PRPF6: variants seen among roughly 807,000 people sequenced by gnomAD.
PRPF6 encodes the protein pre-mRNA-processing factor 6.
In PRPF6, 42 loss-of-function variants were observed where a neutral mutation model predicts 118.3. That is an observed-to-expected ratio of 0.35 (90% CI 0.28 to 0.46). The LOEUF is 0.46. Among genes scored for constraint, PRPF6 ranks in the 20% least tolerant of loss-of-function variants. The pLI is 1.00. For synonymous variants in PRPF6, 481 were observed against 485.1 expected (o/e 0.99, Z 0.11); for missense variants, 662 against 1,255.7 (o/e 0.53, Z 7.15).
rs1364851051 is a variant in PRPF6 at position 63,994,980 on chromosome 20, A to T, written c.503A>T (p.Asn168Ile). The change falls in exon 5 of 21, where the codon AAT becomes ATT. Residue 168 changes from asparagine to isoleucine, a missense_variant. Physicochemically the swap from Asn to Ile is moderately radical, Grantham distance 149. Around this residue, in one of 10 missense-constraint regions of PRPF6, gnomAD observed 97 missense variants for 122.6 expected, o/e 0.79. Transcript: ENST00000266079. ...LSIPEVGDAR[N>I]KRQRNPRYEK... The stretch of plus-strand genomic sequence containing the variant: ...ATCCCCGAGGTTGGCGATGCCAGAA[A>T]TAAACGTCAGCGGAACCCACGCTAT... The T allele has an allele frequency of 6.2e-7, 1 of 1,614,236 alleles. No homozygotes were observed. Among genetic ancestry groups the T allele is most frequent in the South Asian group, 1.1e-5 (1 of 91,084 alleles).
rs149166302 is a variant in PRPF6, at chr20:64,004,199, C to T, written c.1186+2960C>T. 6.4e-3 allele frequency among the ~76,000 whole-genome samples: 977 copies of T among 152,214 alleles called. 5 individuals carry two copies. Among genetic ancestry groups the T allele is most frequent in the Middle Eastern group, 0.014 (4 of 294 alleles). ...GTATGCTGTTGGAGGCGGGGGCCTT[C>T]GGGGAGTGTTGAGGGACTGTGTTTC... On this transcript the variant is annotated intron_variant, in intron 9 of 20. Coordinates refer to ENST00000266079, the MANE Select transcript of PRPF6 (RefSeq NM_012469.4).
intron 19 of PRPF6, among the ~76,000 whole-genome samples, 167 bp from the exon 20 acceptor site, chr20:64,031,751 G>A (rs961819683): frequency 1.3e-5 from 2 of 152,110 alleles, no homozygotes; most frequent in Admixed American, 1.3e-4. Flanking sequence ...TAATGATCTG[G>A]GGTAATTATT....
At position 64,000,997 on chromosome 20, in the gene PRPF6, C is replaced by T. The variant is rs191148301; in HGVS notation, c.1024-80C>T. On this transcript the variant is annotated intron_variant, in intron 8 of 20. Transcript: ENST00000266079. ...GTAAATTCTGGGGCCCGAGGATCTG[C>T]TCTGGAGATCTGTGCCTGCTGCCCT... The T allele has an allele frequency of 3.0e-4, 452 of 1,501,402 alleles. No individual in the cohort carries two copies. The African/African-American group carries it at 5.3e-3, about 18-fold the overall frequency. 93.0% of individuals were successfully genotyped at this position (1,501,402 alleles called of 1,614,324 possible).
chr20:63,984,441 T>A (rs572445350), intron 2 of PRPF6, among the ~76,000 whole-genome samples: 2 of 151,766 alleles, frequency 1.3e-5, no homozygotes, highest in Non-Finnish European at 2.9e-5. Flanking sequence ...AAAAAATTAG[T>A]TTTGAAATAA....
chr20:64,016,055 C>T (rs2059236044), intron 11 of PRPF6, among the ~76,000 whole-genome samples: 2 of 151,878 alleles, frequency 1.3e-5, no homozygotes, highest in Admixed American at 6.6e-5. Context: ...GAGTTGGAAG[C>T]TGCAGTGAAC....
intron 9 of PRPF6, among the ~76,000 whole-genome samples, chr20:64,005,612 C>G (rs1198835823): frequency 6.6e-6 from 1 of 152,144 alleles, no homozygotes; most frequent in Non-Finnish European, 1.5e-5. Flanking sequence ...GAGCCTCGTC[C>G]TATTGCCCAG....
rs75456879 is a variant in PRPF6, at chr20:64,001,743, C to T, written c.1186+504C>T. 2.8e-3 allele frequency among the ~76,000 whole-genome samples: 429 copies of T among 152,354 alleles called. 3 individuals are homozygous for T. Among genetic ancestry groups the T allele is most frequent in the African/African-American group, 0.01 (416 of 41,590 alleles). The stretch of plus-strand genomic sequence containing the variant: ...TCTGCTCCCGCGATGCAGCGTGTGC[C>T]GTCAGCTCAGGTCAGATAACGACAG... On this transcript the variant is annotated intron_variant, in intron 9 of 20. Transcript: ENST00000266079.
chr20:64,014,646 G>A (rs570208645), intron 11 of PRPF6, among the ~76,000 whole-genome samples: 3 of 152,220 alleles, frequency 2.0e-5, no homozygotes, highest in South Asian at 4.1e-4. Context: ...GCAAAAGAGC[G>A]AGACTCTGTC....
chr20:63,990,289 T>C (rs2059112750), intron 3 of PRPF6, among the ~76,000 whole-genome samples: 1 of 152,152 alleles, frequency 6.6e-6, no homozygotes, highest in Non-Finnish European at 1.5e-5. Flanking sequence ...TTGGGAATTA[T>C]AATTCAGCAT....
At chr20:64,019,303 C>T (rs903492606) in intron 12 of PRPF6, among the ~76,000 whole-genome samples, 2 of 152,028 alleles carry the variant, frequency 1.3e-5, no homozygotes, top group African/African-American at 2.4e-5. Flanking sequence ...GATGAGGTTT[C>T]GCCATGTTGG....
intron 11 of PRPF6, among the ~76,000 whole-genome samples, chr20:64,014,639 A>G (rs2059229335): frequency 6.6e-6 from 1 of 152,164 alleles, no homozygotes; most frequent in African/African-American, 2.4e-5. Context: ...AGCCTGGGCA[A>G]AAGAGCGAGA....
At chr20:64,031,680 AAAAAAAAAAAACAAC>A (rs1336739498) in intron 19 of PRPF6, among the ~76,000 whole-genome samples, 1 of 151,128 alleles carries the variant, frequency 6.6e-6, no homozygotes, top group African/African-American at 2.4e-5. Context: ...CTCAAAAAAA[AAAAAAAAAAAACAAC>A]AAAAAAAAAC....
At chr20:63,995,292 T>C in intron 5 of PRPF6, 35 bp from the exon 6 acceptor site, 2 of 1,590,974 alleles carry the variant, frequency 1.3e-6, no homozygotes, top group African/African-American at 1.3e-5. Flanking sequence ...TGCAAACCGT[T>C]GTTTTATTCT....
At chr20:64,010,075 G>T (rs1157026589) in intron 9 of PRPF6, 125 bp from the exon 10 acceptor site, 30 of 823,040 alleles carry the variant, frequency 3.6e-5, no homozygotes, top group Non-Finnish European at 5.3e-5. Flanking sequence ...TAAAGGGCAG[G>T]TGTGTGGTCC....
chr20:64,022,737 C>T lies in PRPF6; in HGVS notation c.1648-20C>T, dbSNP rs754955688. ...TGGCCAGTGCTGGGCTGCCCATTCT[C>T]ATGTCTCTCTCTGCTCTAGTGTGTA... is the stretch of plus-strand genomic sequence containing the variant. On this transcript the variant is annotated intron_variant, in intron 12 of 20. Coordinates refer to ENST00000266079, the MANE Select transcript of PRPF6 (RefSeq NM_012469.4). The T allele has an allele frequency of 2.5e-6, 4 of 1,613,956 alleles. No homozygotes were observed. The highest frequency in any genetic ancestry group is 2.2e-5 in the East Asian group (1 of 44,876).
chr20:64,012,957 CT>C (rs763243601), intron 11 of PRPF6, among the ~76,000 whole-genome samples: 2,123 of 129,920 alleles, frequency 0.016, 56 homozygotes, highest in African/African-American at 0.046. Context: ...CCCCCACACC[CT>C]TTTTTTTTTT....
chr20:63,997,564 C>G (rs995141198), intron 6 of PRPF6, among the ~76,000 whole-genome samples: 10 of 151,084 alleles, frequency 6.6e-5, no homozygotes, highest in Non-Finnish European at 1.0e-4. Flanking sequence ...TCAGGTGATT[C>G]TCCTGCCTCA....
At chr20:63,991,426 A>G (rs1294255848) in intron 3 of PRPF6, among the ~76,000 whole-genome samples, 1 of 152,130 alleles carries the variant, frequency 6.6e-6, no homozygotes, top group East Asian at 1.9e-4. Context: ...TGTCTCTAAA[A>G]CAAAAACAAA....
At chr20:64,018,638 A>T (rs1038164198) in intron 12 of PRPF6, among the ~76,000 whole-genome samples, 1 of 151,680 alleles carries the variant, frequency 6.6e-6, no homozygotes, top group South Asian at 2.1e-4. Flanking sequence ...TATATATTAA[A>T]TTTTTTTTGT....
Sources: gnomAD v4.1 joint callset for allele counts (sites outside exome capture counted in the v4.1 genomes callset) on GRCh38, gnomAD v4.1.1 for gene constraint, gnomAD v4.1.1 regional missense constraint, MANE v1.5 for transcripts, NCBI Gene and HGNC (gene_info 2026-07-23, HGNC 2026-07-21) for gene names.